GFRA4: variants seen among roughly 807,000 people sequenced by gnomAD.
GFRA4 encodes GDNF family receptor alpha-4.
GFRA4 carries 31 observed loss-of-function variants against 28.5 expected under a neutral mutation model. That is an observed-to-expected ratio of 1.09 (90% confidence interval 0.82 to 1.47). The LOEUF is 1.47. GFRA4 is among the 40% of genes most tolerant of loss of function. The pLI is 0.00. For synonymous variants in GFRA4, 188 were observed against 188.0 expected (o/e 1.00, Z 0.00); for missense variants, 389 against 413.2 (o/e 0.94, Z 0.51).
At position 3,661,044 on chromosome 20, in the gene GFRA4, G is replaced by A; in HGVS notation, c.292C>T (p.Arg98Cys). 1 of 1,457,976 alleles carries A rather than the reference G, an allele frequency of 6.9e-7. No homozygotes were observed. Among genetic ancestry groups the A allele is most frequent in the Non-Finnish European group, 9.0e-7 (1 of 1,111,968 alleles). 90.3% of individuals were successfully genotyped at this position (1,457,976 alleles called of 1,614,324 possible). The part of the protein sequence containing the change: ...CAGPACAERR[R>C]QTFVPSCAFS... ...GCGCAGGAGGGCACGAAGGTCTGGC[G>A]CCGACGCTCGGCGCACGCGGGGCCC... The change falls in exon 2 of 6, where the codon CGC becomes TGC. Residue 98 changes from arginine to cysteine, a missense_variant. Arg to Cys is a radical substitution (Grantham distance 180). Transcript: ENST00000290417.
intron 4 of GFRA4, 134 bp from the exon 5 acceptor site, chr20:3,660,383 AAAT>A: frequency 9.2e-7 from 1 of 1,083,880 alleles, no homozygotes; most frequent in Non-Finnish European, 1.3e-6. Flanking sequence ...AGGAATAACA[AAAT>A]AATAAGCACA....
Position 3,661,040 on chromosome 20 carries a change from T to TGG in GFRA4, c.294_295dup (p.Gln99ProfsTer24). ...AAAGGCGCAGGAGGGCACGAAGGTCTGGCGCCGACGCTCGGCGCACGCGGG... is the reference window on the plus strand; with the variant it reads ...AAAGGCGCAGGAGGGCACGAAGGTCTGGGGCGCCGACGCTCGGCGCACGCGGG... On this transcript the variant is annotated frameshift_variant, in exon 2 of 6. Coordinates refer to ENST00000290417, the MANE Select transcript of GFRA4 (RefSeq NM_022139.4). LOFTEE classifies it high-confidence loss of function. 6.9e-7 allele frequency: 1 copy of TGG among 1,459,732 alleles called. No homozygotes were observed. 90.4% of individuals were successfully genotyped at this position (1,459,732 alleles called of 1,614,324 possible). A position where few individuals can be genotyped will look rare whatever the true frequency, so the allele number is the denominator to read the frequency against.
At chr20:3,660,452 C>G (rs1319728952) in intron 4 of GFRA4, 74 bp downstream of exon 4, 2 of 1,447,978 alleles carry the variant, frequency 1.4e-6, no homozygotes, top group Non-Finnish European at 1.9e-6. Flanking sequence ...TAAAATGGCT[C>G]CCAGCCAGGC....
chr20:3,660,963 C>G lies in GFRA4; in HGVS notation c.373G>C (p.Glu125Gln). 1 of 1,433,718 alleles carries G rather than the reference C, an allele frequency of 7.0e-7. No individual in the cohort carries two copies. The highest frequency in any genetic ancestry group is 9.1e-7 in the Non-Finnish European group (1 of 1,103,720). 88.8% of individuals were successfully genotyped at this position (1,433,718 alleles called of 1,614,324 possible). ...GCGCACCTGCAGACCCGGCTGCGCT[C>G]GCAGAAGTTTAAGGGCTCAAGGCAG... ...PSCLEPLNFC[E>Q]RSRVCRPRLL... is the part of the protein sequence containing the mutation. The change falls in exon 2 of 6, where the codon GAG (glutamate) becomes CAG (glutamine). Residue 125 changes from glutamate (E) to glutamine (Q), a missense_variant. Transcript: ENST00000290417.
At position 3,661,224 on chromosome 20, in the gene GFRA4, GCGCGTCCGCCGTGCAGGCTTCGGC is replaced by G. The variant is rs1449362252; in HGVS notation, c.88_111del (p.Ala30_Ala37del). The G allele has an allele frequency of 1.7e-5, 25 of 1,501,636 alleles. No individual in the cohort carries two copies. Among genetic ancestry groups the G allele is most frequent in the Non-Finnish European group, 2.1e-5 (24 of 1,131,604 alleles). The allele number at this position is 1,501,636 out of a possible 1,614,324, so 93.0% of individuals were successfully genotyped here. A position where few individuals can be genotyped will look rare whatever the true frequency, so the allele number is the denominator to read the frequency against. On this transcript the variant is annotated inframe_deletion, in exon 2 of 6. Coordinates refer to ENST00000290417, the MANE Select transcript of GFRA4 (RefSeq NM_022139.4). ...TACTCGGAGCGCAAACGCTGGCACC[GCGCGTCCGCCGTGCAGGCTTCGGC>G]CGCGTCCACACATCGGTTCCCTCCG... is the stretch of plus-strand genomic sequence containing the variant.
rs1368782906 is a variant in GFRA4, at chr20:3,660,534, C to T, written c.629G>A (p.Arg210His). ...CCCCCCGGGCCCCTCACCCAAGCAG[C>T]GGTTCCTGGTAAAGAGCCCCCGGAA... Reference protein sequence around the residue: ...EAFRGLFTRNRCLDGAIQAFA... With the variant: ...EAFRGLFTRNHCLDGAIQAFA... The change falls in exon 4 of 6, where the codon CGC becomes CAC. Residue 210 changes from arginine to histidine, a missense_variant. Transcript: ENST00000290417. 7 of 1,549,312 alleles carry T rather than the reference C, an allele frequency of 4.5e-6. No homozygotes were observed. The highest frequency in any genetic ancestry group is 5.2e-6 in the Non-Finnish European group (6 of 1,146,748).
At chr20:3,661,785 G>T (rs1173452274) in intron 1 of GFRA4, among the ~76,000 whole-genome samples, 2 of 152,006 alleles carry the variant, frequency 1.3e-5, no homozygotes, top group African/African-American at 4.8e-5. Context: ...CCTCCACCTC[G>T]CCGCTTATCC....
intron 1 of GFRA4, among the ~76,000 whole-genome samples, chr20:3,661,615 G>C (rs557602417): frequency 5.3e-5 from 8 of 151,888 alleles, no homozygotes; most frequent in African/African-American, 1.2e-4. Flanking sequence ...GGGTCCAGGG[G>C]CTCCTCCTAC....
At chr20:3,660,412 C>T in intron 4 of GFRA4, 114 bp downstream of exon 4, 1 of 1,157,498 alleles carries the variant, frequency 8.6e-7, no homozygotes, top group South Asian at 1.5e-5. Flanking sequence ...GACAGAGTGA[C>T]TCAACTGTAC....
chr20:3,660,758 C>G lies in GFRA4; in HGVS notation c.499G>C (p.Val167Leu), dbSNP rs1392632718. Residue 167 changes from valine (V) to leucine (L), a missense_variant, in exon 3 of 6, where the codon GTG becomes CTG. Val to Leu is a conservative substitution (Grantham distance 32, BLOSUM62 1). Coordinates refer to ENST00000290417, the MANE Select transcript of GFRA4 (RefSeq NM_022139.4). ...ARCLRAYAGLVGTAVTPNYVD... is the reference protein window; with the variant it reads ...ARCLRAYAGLLGTAVTPNYVD... ...CCCGGATCCCGGCCGCGCGTACCCACGAGGCCCGCGTAGGCGCGCAGGCAG... is the reference window on the plus strand; with the variant it reads ...CCCGGATCCCGGCCGCGCGTACCCAGGAGGCCCGCGTAGGCGCGCAGGCAG... 1 of 1,423,196 alleles carries G rather than the reference C, an allele frequency of 7.0e-7. No homozygotes were observed. Among genetic ancestry groups the G allele is most frequent in the Non-Finnish European group, 9.1e-7 (1 of 1,096,950 alleles). The allele number at this position is 1,423,196 out of a possible 1,614,324, so 88.2% of individuals were successfully genotyped here.
At chr20:3,662,298 C>T (rs1247872770) in intron 1 of GFRA4, among the ~76,000 whole-genome samples, 4 of 152,182 alleles carry the variant, frequency 2.6e-5, no homozygotes, top group African/African-American at 4.8e-5. Flanking sequence ...TTGGCAGCCC[C>T]TTCCCAGGAT....
At chr20:3,660,130 C>T in intron 5 of GFRA4, 28 bp downstream of exon 5, 1 of 1,544,856 alleles carries the variant, frequency 6.5e-7, no homozygotes, top group Non-Finnish European at 8.8e-7. Context: ...GGGGAGGTGC[C>T]AGCTCACCCT....
Position 3,659,706 on chromosome 20 carries a change from T to C in GFRA4, c.*203A>G, listed in dbSNP as rs931666672. On this transcript the variant is annotated 3_prime_UTR_variant, in exon 6 of 6. Coordinates refer to ENST00000290417, the MANE Select transcript of GFRA4 (RefSeq NM_022139.4). ...GCCTCCTGACAGGGAGACGGGGGCT[T>C]TACAGTCAGGCCCCAGCCTACATCC... 3.1e-5 allele frequency: 18 copies of C among 587,810 alleles called. No homozygotes were observed. The highest frequency in any genetic ancestry group is 5.4e-5 in the Non-Finnish European group (18 of 332,376). The allele number at this position is 587,810 out of a possible 1,614,324, so 36.4% of individuals were successfully genotyped here. A position where few individuals can be genotyped will look rare whatever the true frequency, so the allele number is the denominator to read the frequency against.
rs577187035 is a variant in GFRA4 at position 3,659,719 on chromosome 20, C to G, written c.*190G>C. ...GAGACGGGGGCTTTACAGTCAGGCC[C>G]CAGCCTACATCCCTTGCCCCAGGGG... is the stretch of plus-strand genomic sequence containing the variant. On this transcript the variant is annotated 3_prime_UTR_variant, in exon 6 of 6. Transcript: ENST00000290417. 9 of 601,368 alleles carry G rather than the reference C, an allele frequency of 1.5e-5. No individual in the cohort carries two copies. The highest frequency in any genetic ancestry group is 3.8e-5 in the African/African-American group (2 of 53,264). 37.3% of individuals were successfully genotyped at this position (601,368 alleles called of 1,614,324 possible).
At position 3,660,534 on chromosome 20, in the gene GFRA4, C is replaced by G; in HGVS notation, c.629G>C (p.Arg210Pro). 1 of 1,549,312 alleles carries G rather than the reference C, an allele frequency of 6.5e-7. No individual in the cohort carries two copies. Among genetic ancestry groups the G allele is most frequent in the South Asian group, 1.2e-5 (1 of 83,982 alleles). The change falls in exon 4 of 6, where the codon CGC (arginine) becomes CCC (proline). Residue 210 changes from arginine to proline, a missense_variant. Physicochemically the swap from Arg to Pro is moderately radical, Grantham distance 103 (BLOSUM62 -2). Transcript: ENST00000290417. ...CCCCCCGGGCCCCTCACCCAAGCAG[C>G]GGTTCCTGGTAAAGAGCCCCCGGAA... Reference protein sequence around the residue: ...EAFRGLFTRNRCLDGAIQAFA... With the variant: ...EAFRGLFTRNPCLDGAIQAFA...
Position 3,661,216 on chromosome 20 carries a change from C to T in GFRA4, c.120G>A (p.Gln40=). 1.3e-6 allele frequency: 2 copies of T among 1,501,918 alleles called. No individual in the cohort carries two copies. Among genetic ancestry groups the T allele is most frequent in the Non-Finnish European group, 1.8e-6 (2 of 1,131,762 alleles). 93.0% of individuals were successfully genotyped at this position (1,501,918 alleles called of 1,614,324 possible). A position where few individuals can be genotyped will look rare whatever the true frequency, so the allele number is the denominator to read the frequency against. Residue 40 remains glutamine, a synonymous_variant, in exon 2 of 6, where the codon CAG becomes CAA. Transcript: ENST00000290417. ...GCGCCACATACTCGGAGCGCAAACGCTGGCACCGCGCGTCCGCCGTGCAGG... is the reference window on the plus strand; with the variant it reads ...GCGCCACATACTCGGAGCGCAAACGTTGGCACCGCGCGTCCGCCGTGCAGG... ...AEACTADARC[Q]RLRSEYVAQC...
chr20:3,662,262 G>A (rs2087232006), intron 1 of GFRA4, among the ~76,000 whole-genome samples: 1 of 152,216 alleles, frequency 6.6e-6, no homozygotes, highest in African/African-American at 2.4e-5. Context: ...TGTCTAAATA[G>A]AGCCAGGATA....
At position 3,661,080 on chromosome 20, in the gene GFRA4, A is replaced by G; in HGVS notation, c.256T>C (p.Cys86Arg). The change falls in exon 2 of 6, where the codon TGC (cysteine) becomes CGC (arginine). Residue 86 changes from cysteine (C) to arginine (R), a missense_variant. Cys to Arg is a radical substitution (Grantham distance 180, BLOSUM62 -3). Coordinates refer to ENST00000290417, the MANE Select transcript of GFRA4 (RefSeq NM_022139.4). Reference sequence around the variant, plus strand: ...GCGCACGCGGGGCCCGCGCACGGGCAGAAGAGCAGTGCGTGGGTGAGCGCG... The same window carrying G: ...GCGCACGCGGGGCCCGCGCACGGGCGGAAGAGCAGTGCGTGGGTGAGCGCG... Reference protein sequence around the residue: ...PPALTHALLFCPCAGPACAER... With the variant: ...PPALTHALLFRPCAGPACAER... 7.0e-7 allele frequency: 1 copy of G among 1,433,976 alleles called. No homozygotes were observed. Among genetic ancestry groups the G allele is most frequent in the Non-Finnish European group, 9.1e-7 (1 of 1,101,328 alleles). 88.8% of individuals were successfully genotyped at this position (1,433,976 alleles called of 1,614,324 possible). A position where few individuals can be genotyped will look rare whatever the true frequency, so the allele number is the denominator to read the frequency against.
At position 3,661,163 on chromosome 20, in the gene GFRA4, C is replaced by G. The variant is rs1487861516; in HGVS notation, c.173G>C (p.Gly58Ala). ...CCGGCGGCAGCGGGCGCGGGGACAG[C>G]CCCCCTGCGCAGCCCGGCCCAGGCA... Reference protein sequence around the residue: ...AQCLGRAAQGGCPRARCRRAL... With the variant: ...AQCLGRAAQGACPRARCRRAL... Residue 58 changes from glycine (G) to alanine (A), a missense_variant, in exon 2 of 6, where the codon GGC (glycine) becomes GCC (alanine). By Grantham distance (60) the Gly-to-Ala change is moderately conservative. Transcript: ENST00000290417. 1.5e-6 allele frequency: 2 copies of G among 1,374,926 alleles called. No individual in the cohort carries two copies. Among genetic ancestry groups the G allele is most frequent in the Admixed American group, 3.6e-5 (1 of 27,914 alleles). The allele number at this position is 1,374,926 out of a possible 1,614,324, so 85.2% of individuals were successfully genotyped here.
Sources: allele counts gnomAD v4.1 joint callset (sites outside exome capture counted in the v4.1 genomes callset), GRCh38; gene constraint gnomAD v4.1.1; transcripts MANE v1.5; gene names NCBI Gene and HGNC (gene_info 2026-07-23, HGNC 2026-07-21).